The following LSAMP variants were observed in gnomAD, a reference collection of about 807,000 sequenced individuals.
The protein encoded by LSAMP is limbic system associated membrane protein, also known as limbic system-associated membrane protein.
Under a neutral mutation model 38.6 loss-of-function variants are expected in LSAMP, and 7 were observed. That is an observed-to-expected ratio of 0.18 (90% CI 0.10 to 0.34). The LOEUF (loss-of-function observed/expected upper bound fraction) is 0.34, where lower values mean the gene tolerates loss of function less well. Ranked by LOEUF, LSAMP falls within the 10% of genes least tolerant of loss-of-function variation. The pLI is 1.00. For synonymous variants in LSAMP, 154 were observed against 166.8 expected (o/e 0.92, Z 0.59); for missense variants, 313 against 420.0 (o/e 0.75, Z 2.23).
At chr3:115,872,113 T>C (rs770716542) in intron 3 of LSAMP, among the ~76,000 whole-genome samples, 1 of 152,150 alleles carries the variant, frequency 6.6e-6, no homozygotes, top group Non-Finnish European at 1.5e-5. Flanking sequence ...CCAGTTATTT[T>C]TGATGCTCTG....
At chr3:116,158,572 C>T (rs1709811502) in intron 1 of LSAMP, among the ~76,000 whole-genome samples, 1 of 152,012 alleles carries the variant, frequency 6.6e-6, no homozygotes, top group African/African-American at 2.4e-5. Flanking sequence ...AGCTGACAGG[C>T]AAATCAAGAA....
At position 115,834,100 on chromosome 3, in the gene LSAMP, C is replaced by T. The variant is rs765266784; in HGVS notation, c.919+7745G>A. On this transcript the variant is annotated intron_variant, in intron 6 of 6. Transcript: ENST00000490035. ...AAAAAATAACATCTTTGTTATAATCCGGTTGAGTTGATTAACCTTTAGCAA... is the reference window on the plus strand; with the variant it reads ...AAAAAATAACATCTTTGTTATAATCTGGTTGAGTTGATTAACCTTTAGCAA... Among the ~76,000 whole-genome samples the T allele has an allele frequency of 6.6e-5, 10 of 151,910 alleles. No individual in the cohort carries two copies. In the East Asian group the frequency reaches 1.5e-3, roughly 23 times the overall value.
At chr3:115,838,680 G>A (rs1934877543) in intron 6 of LSAMP, among the ~76,000 whole-genome samples, 1 of 152,206 alleles carries the variant, frequency 6.6e-6, no homozygotes, top group Non-Finnish European at 1.5e-5. Flanking sequence ...AGATGAATGA[G>A]AAAGGAATGC....
chr3:116,026,225 C>T (rs754841599), intron 2 of LSAMP, among the ~76,000 whole-genome samples: 2 of 152,146 alleles, frequency 1.3e-5, no homozygotes, highest in Non-Finnish European at 2.9e-5. Flanking sequence ...GTCAGTCTGG[C>T]TCTGCCACCT....
intron 3 of LSAMP, among the ~76,000 whole-genome samples, chr3:115,880,224 A>T (rs1169352492): frequency 6.6e-6 from 1 of 151,900 alleles, no homozygotes; most frequent in Non-Finnish European, 1.5e-5. Flanking sequence ...GACTAATAAA[A>T]CTCTCTCCTG....
rs531695178 is a variant in LSAMP, at chr3:115,807,055, C to G, written c.*3262G>C. On this transcript the variant is annotated 3_prime_UTR_variant, in exon 7 of 7. Coordinates refer to ENST00000490035, the MANE Select transcript of LSAMP (RefSeq NM_002338.5). ...AGATTAATTGATGAATTTCACTCCT[C>G]TCAGTATATTATTTCCAACCAGTTG... 2.0e-5 allele frequency: 3 copies of G among 152,256 alleles called. No individual in the cohort carries two copies. The South Asian group carries it at 6.2e-4, about 32-fold the overall frequency. 9.4% of individuals were successfully genotyped at this position (152,256 alleles called of 1,614,324 possible). A position where few individuals can be genotyped will look rare whatever the true frequency, so the allele number is the denominator to read the frequency against.
chr3:116,128,931 C>T (rs1375072483), intron 1 of LSAMP, among the ~76,000 whole-genome samples: 1 of 152,052 alleles, frequency 6.6e-6, no homozygotes, highest in African/African-American at 2.4e-5. Context: ...AAGTAAAAAC[C>T]TTTCAGCGAT....
chr3:115,993,747 T>C (rs1037556933), intron 3 of LSAMP, among the ~76,000 whole-genome samples: 1 of 152,186 alleles, frequency 6.6e-6, no homozygotes, highest in Non-Finnish European at 1.5e-5. Flanking sequence ...GTATAAAATA[T>C]ACAATGATCA....
intron 1 of LSAMP, among the ~76,000 whole-genome samples, chr3:116,410,348 G>A (rs114027265): frequency 5.1e-4 from 78 of 152,100 alleles, no homozygotes; most frequent in African/African-American, 1.8e-3. Flanking sequence ...CCAGTGTCAT[G>A]TTATTCTAAT....
In LSAMP at chr3:115,806,336, T is replaced by C. The variant is rs1039728229; in HGVS notation, c.*3981A>G. 6.6e-5 allele frequency: 10 copies of C among 152,010 alleles called. No homozygotes were observed. The highest frequency in any genetic ancestry group is 4.1e-4 in the South Asian group (2 of 4,830). The allele number at this position is 152,010 out of a possible 1,614,324, so 9.4% of individuals were successfully genotyped here. Reference sequence around the variant, plus strand: ...TATAAAGATAAAAAATACACACACATATATATTATTGTTTTCCACAAATAA... The same window carrying C: ...TATAAAGATAAAAAATACACACACACATATATTATTGTTTTCCACAAATAA... On this transcript the variant is annotated 3_prime_UTR_variant, in exon 7 of 7. Transcript: ENST00000490035.
chr3:115,973,171 G>A (rs1939073016), intron 3 of LSAMP, among the ~76,000 whole-genome samples: 1 of 152,118 alleles, frequency 6.6e-6, no homozygotes. Context: ...GTAATAAAAA[G>A]CGATTAAACA....
intron 3 of LSAMP, among the ~76,000 whole-genome samples, chr3:115,882,278 A>G (rs1936342128): frequency 6.6e-6 from 1 of 151,912 alleles, no homozygotes; most frequent in Admixed American, 6.6e-5. Context: ...ACAACTACCC[A>G]CCTTGTACCA....
At chr3:116,388,070 T>C (rs2048647426) in intron 1 of LSAMP, among the ~76,000 whole-genome samples, 1 of 151,922 alleles carries the variant, frequency 6.6e-6, no homozygotes, top group Non-Finnish European at 1.5e-5. Flanking sequence ...CATAAGAATA[T>C]ACCCACATTT....
intron 2 of LSAMP, among the ~76,000 whole-genome samples, chr3:116,071,053 T>TAAATA (rs745683193): frequency 5.0e-5 from 7 of 138,862 alleles, no homozygotes; most frequent in South Asian, 2.2e-4. Context: ...AATAAATAAA[T>TAAATA]AATAAATAAA....
chr3:115,955,689 A>G (rs1938432567), intron 3 of LSAMP, among the ~76,000 whole-genome samples: 1 of 152,206 alleles, frequency 6.6e-6, no homozygotes, highest in Non-Finnish European at 1.5e-5. Context: ...ACTTTTAGTC[A>G]GAATTACCCA....
intron 1 of LSAMP, among the ~76,000 whole-genome samples, chr3:116,231,684 A>G (rs2046404174): frequency 6.6e-6 from 1 of 152,208 alleles, no homozygotes; most frequent in South Asian, 2.1e-4. Flanking sequence ...TTGGAGTAAA[A>G]TAAGAGTTCT....
intron 1 of LSAMP, among the ~76,000 whole-genome samples, chr3:116,239,288 A>G (rs2107636326): frequency 6.6e-6 from 1 of 152,310 alleles, no homozygotes; most frequent in South Asian, 2.1e-4. Context: ...CTCTGTCTTG[A>G]TAAAGTTCAC....
At chr3:116,034,323 G>T (rs116260581) in intron 2 of LSAMP, among the ~76,000 whole-genome samples, 1 of 152,018 alleles carries the variant, frequency 6.6e-6, no homozygotes, top group African/African-American at 2.4e-5. Context: ...TGGCCACCAG[G>T]AATATTCTTG....
chr3:116,254,788 C>T (rs1262768547), intron 1 of LSAMP, among the ~76,000 whole-genome samples: 2 of 152,122 alleles, frequency 1.3e-5, no homozygotes, highest in South Asian at 2.1e-4. Flanking sequence ...TCTCAGATTG[C>T]TCAACAATGT....
Sources: gnomAD v4.1 joint callset for allele counts (sites outside exome capture counted in the v4.1 genomes callset) on GRCh38, gnomAD v4.1.1 for gene constraint, MANE v1.5 for transcripts, NCBI Gene and HGNC (gene_info 2026-07-23, HGNC 2026-07-21) for gene names.